Variants in NME9 observed in about 807,000 individuals in gnomAD.
The protein encoded by NME9 is NME/NM23 family member 9.
Under a neutral mutation model 44.4 loss-of-function variants are expected in NME9, and 48 were observed. That is an observed-to-expected ratio of 1.08 (90% CI 0.86 to 1.37). The LOEUF (loss-of-function observed/expected upper bound fraction) is 1.37, where lower values mean the gene tolerates loss of function less well. Ranked by LOEUF, NME9 falls within the 40% of genes most tolerant of loss-of-function variation. The pLI is 0.00. For missense variants in NME9, 325 were observed against 405.2 expected (o/e 0.80, Z 1.70); for synonymous variants, 139 against 147.1 (o/e 0.94, Z 0.40).
intron 8 of NME9, chr3:138,289,058 A>T (rs1259424058): frequency 1.2e-6 from 2 of 1,612,862 alleles, no homozygotes; most frequent in Non-Finnish European, 1.7e-6. Flanking sequence ...GGCCATTCAC[A>T]TGTTAAACTG....
chr3:138,315,492 T>G (rs1301633468), intron 5 of NME9, 35 bp downstream of exon 5: 21 of 1,425,088 alleles, frequency 1.5e-5, no homozygotes, highest in South Asian at 2.4e-5. Flanking sequence ...AGCGCACTTG[T>G]GAGTTAGCTG....
intron 6 of NME9, among the ~76,000 whole-genome samples, chr3:138,311,003 T>G (rs2052663412): frequency 6.6e-6 from 1 of 151,972 alleles, no homozygotes; most frequent in Non-Finnish European, 1.5e-5. Context: ...TCAACGAAAC[T>G]TTAGCTAGAC....
chr3:138,306,264 G>T, intron 7 of NME9, 134 bp downstream of exon 7: 1 of 858,596 alleles, frequency 1.2e-6, no homozygotes. Context: ...TCATTTACTT[G>T]AATGGAACTT....
chr3:138,277,347 G>A (rs897661709), intron 8 of NME9, among the ~76,000 whole-genome samples: 7 of 152,206 alleles, frequency 4.6e-5, no homozygotes, highest in East Asian at 1.9e-4. Context: ...TAGATTAGGC[G>A]AAGAGTTCTT....
intron 8 of NME9, chr3:138,272,984 T>C (rs1439426408): frequency 2.5e-6 from 4 of 1,603,950 alleles, no homozygotes; most frequent in Non-Finnish European, 1.7e-6. Flanking sequence ...CATTTCAGGC[T>C]GAACAAAAAA....
At chr3:138,327,344 G>A (rs564990690) in intron 1 of NME9, among the ~76,000 whole-genome samples, 3 of 151,958 alleles carry the variant, frequency 2.0e-5, no homozygotes, top group Non-Finnish European at 4.4e-5. Flanking sequence ...AGAAGCGTTC[G>A]GAAGGGCCCC....
chr3:138,319,006 T>C (rs1352309441), intron 3 of NME9, among the ~76,000 whole-genome samples: 3 of 152,112 alleles, frequency 2.0e-5, no homozygotes, highest in Non-Finnish European at 4.4e-5. Context: ...TAGACCAGCC[T>C]GGGCAATATA....
At chr3:138,298,214 CCT>C (rs1252413801), downstream of NME9, 1 of 152,130 alleles carries the variant, frequency 6.6e-6, no homozygotes, top group Non-Finnish European at 1.5e-5. Flanking sequence ...CCTTTTGTGC[CCT>C]GATTGTAATC....
At chr3:138,313,884 G>A (rs773587286) in intron 6 of NME9, among the ~76,000 whole-genome samples, 1 of 152,190 alleles carries the variant, frequency 6.6e-6, no homozygotes, top group African/African-American at 2.4e-5. Context: ...ATAGAGAGTA[G>A]ATTGGTGATT....
At chr3:138,292,225 A>G (rs1235974703) in intron 8 of NME9, among the ~76,000 whole-genome samples, 1 of 152,064 alleles carries the variant, frequency 6.6e-6, no homozygotes, top group Non-Finnish European at 1.5e-5. Context: ...TTTTTAGTAG[A>G]GACAGGGTTT....
downstream of NME9, chr3:138,296,196 T>C: frequency 3.3e-6 from 1 of 299,994 alleles, no homozygotes; most frequent in South Asian, 5.1e-5. Context: ...TGCAGCCACT[T>C]TGTGAGTGAG....
intron 8 of NME9, 130 bp downstream of exon 8, chr3:138,305,874 T>A (rs1053781142): frequency 2.7e-5 from 19 of 698,974 alleles, no homozygotes; most frequent in Non-Finnish European, 4.6e-5. Flanking sequence ...AATAAATTCA[T>A]GACCCACTTG....
intron 4 of NME9, among the ~76,000 whole-genome samples, chr3:138,316,370 A>G (rs1455415997): frequency 3.9e-5 from 6 of 152,214 alleles, no homozygotes; most frequent in African/African-American, 1.4e-4. Context: ...TTAAACATGA[A>G]AAAACATAGC....
intron 8 of NME9, among the ~76,000 whole-genome samples, chr3:138,284,006 CT>C (rs974074034): frequency 1.3e-5 from 2 of 152,164 alleles, no homozygotes; most frequent in Admixed American, 6.5e-5. Context: ...GGAGGCTTCC[CT>C]GGGAGGGGAG....
chr3:138,318,583 C>T (rs566069773), intron 3 of NME9, among the ~76,000 whole-genome samples: 1 of 151,954 alleles, frequency 6.6e-6, no homozygotes, highest in Non-Finnish European at 1.5e-5. Context: ...TAAGAGATCC[C>T]CCACGCAAGC....
chr3:138,284,256 T>A (rs1049056703), intron 8 of NME9, among the ~76,000 whole-genome samples: 1 of 152,090 alleles, frequency 6.6e-6, no homozygotes, highest in Admixed American at 6.5e-5. Flanking sequence ...TAGATTTTGT[T>A]TGGGTGTGGT....
At chr3:138,285,529 A>G (rs1021132269) in intron 8 of NME9, among the ~76,000 whole-genome samples, 1 of 152,104 alleles carries the variant, frequency 6.6e-6, no homozygotes, top group African/African-American at 2.4e-5. Flanking sequence ...TGCCTGGAAC[A>G]CTTTTCTTCT....
At chr3:138,281,768 A>G (rs1560043091) in intron 8 of NME9, among the ~76,000 whole-genome samples, 2 of 152,170 alleles carry the variant, frequency 1.3e-5, no homozygotes, top group South Asian at 2.1e-4. Context: ...GACCTGGTCT[A>G]TTCTGAGGGA....
chr3:138,305,696 A>G (rs1477889301), intron 8 of NME9, among the ~76,000 whole-genome samples: 1 of 152,220 alleles, frequency 6.6e-6, no homozygotes, highest in Non-Finnish European at 1.5e-5. Context: ...CTTTGCTTCG[A>G]GATCCCTAGC....
Sources: gnomAD v4.1 joint callset for allele counts (sites outside exome capture counted in the v4.1 genomes callset) on GRCh38, gnomAD v4.1.1 for gene constraint, MANE v1.5 for transcripts, NCBI Gene and HGNC (gene_info 2026-07-23, HGNC 2026-07-21) for gene names.